Variants in MITF observed in about 807,000 individuals in gnomAD.
MITF encodes the protein microphthalmia-associated transcription factor.
MITF carries 17 observed loss-of-function variants against 60.5 expected under a neutral mutation model. That is an observed-to-expected ratio of 0.28 (90% CI 0.19 to 0.42). The LOEUF is 0.42. Ranked by LOEUF, MITF falls within the 10% of genes least tolerant of loss-of-function variation. MITF has a pLI of 1.00. For synonymous variants in MITF, 260 were observed against 248.5 expected (o/e 1.05, Z -0.43); for missense variants, 622 against 683.5 (o/e 0.91, Z 1.00).
chr3:69,816,082 T>C (rs923145192), intron 1 of MITF, among the ~76,000 whole-genome samples: 15 of 152,186 alleles, frequency 9.9e-5, no homozygotes, highest in African/African-American at 3.4e-4. Flanking sequence ...GTTCAGTTTA[T>C]AACTTTATTA....
At chr3:69,883,471 G>T (rs2064534970) in intron 2 of MITF, among the ~76,000 whole-genome samples, 1 of 152,062 alleles carries the variant, frequency 6.6e-6, no homozygotes, top group Admixed American at 6.5e-5. Flanking sequence ...CTGAACTACT[G>T]GTCTTTCTCT....
intron 4 of MITF, among the ~76,000 whole-genome samples, chr3:69,940,748 G>C (rs1411510609): frequency 2.0e-5 from 3 of 152,204 alleles, no homozygotes; most frequent in Admixed American, 1.3e-4. Flanking sequence ...AAAGGAAGTA[G>C]AATGACAGCT....
intron 2 of MITF, among the ~76,000 whole-genome samples, chr3:69,931,669 A>G (rs2065725825): frequency 6.6e-6 from 1 of 152,222 alleles, no homozygotes; most frequent in Non-Finnish European, 1.5e-5. Context: ...AGGAAGTAGT[A>G]TGAAAGTATA....
intron 5 of MITF, 27 bp from the exon 6 acceptor site, chr3:69,949,024 T>G: frequency 1.3e-6 from 2 of 1,495,012 alleles, no homozygotes; most frequent in Non-Finnish European, 1.9e-6. Context: ...CAACAGTTAA[T>G]TTCTGTTACT....
chr3:69,854,497 T>G (rs1311667894), intron 1 of MITF, among the ~76,000 whole-genome samples: 1 of 152,228 alleles, frequency 6.6e-6, no homozygotes, highest in South Asian at 2.1e-4. Flanking sequence ...TATACTATAT[T>G]GAGTTTTTAT....
intron 1 of MITF, among the ~76,000 whole-genome samples, chr3:69,778,174 T>C (rs765235431): frequency 7.2e-5 from 11 of 152,210 alleles, no homozygotes; most frequent in Non-Finnish European, 1.2e-4. Context: ...TTTAGATTTC[T>C]CACATGGGCA....
chr3:69,851,720 T>C (rs2063827138), intron 1 of MITF, among the ~76,000 whole-genome samples: 1 of 152,142 alleles, frequency 6.6e-6, no homozygotes, highest in Non-Finnish European at 1.5e-5. Flanking sequence ...CTGTTCTGTA[T>C]CTTGATTGTG....
rs766340943 is a variant in MITF, at chr3:69,966,750, A to T, written c.*1502A>T. 4.5e-4 allele frequency: 106 copies of T among 233,042 alleles called. No homozygotes were observed. Among genetic ancestry groups the T allele is most frequent in the South Asian group, 1.4e-3 (8 of 5,528 alleles). The allele number at this position is 233,042 out of a possible 1,614,324, so 14.4% of individuals were successfully genotyped here. A position where few individuals can be genotyped will look rare whatever the true frequency, so the allele number is the denominator to read the frequency against. On this transcript the variant is annotated 3_prime_UTR_variant, in exon 10 of 10. Transcript: ENST00000352241. The stretch of plus-strand genomic sequence containing the variant: ...TATACAGATGCCATATAGTGTTATG[A>T]GCCAGGCTGTTGAATGGAATTTCTC...
At chr3:69,836,341 G>C (rs1206948863) in intron 1 of MITF, among the ~76,000 whole-genome samples, 1 of 152,058 alleles carries the variant, frequency 6.6e-6, no homozygotes, top group East Asian at 1.9e-4. Flanking sequence ...CAACATTATT[G>C]AGCAAATAAT....
chr3:69,869,208 T>C (rs1014659707), intron 1 of MITF, among the ~76,000 whole-genome samples: 1 of 152,196 alleles, frequency 6.6e-6, no homozygotes, highest in African/African-American at 2.4e-5. Flanking sequence ...TGTTCTACTA[T>C]GTGCTGGAGA....
chr3:69,867,956 T>C (rs539705386), intron 1 of MITF, among the ~76,000 whole-genome samples: 3 of 152,346 alleles, frequency 2.0e-5, no homozygotes, highest in African/African-American at 7.2e-5. Context: ...TTTCTGTGCG[T>C]ATTCTTTTAG....
chr3:69,809,572 A>G (rs2063067754), intron 1 of MITF, among the ~76,000 whole-genome samples: 1 of 152,228 alleles, frequency 6.6e-6, no homozygotes, highest in African/African-American at 2.4e-5. Context: ...ATGAATTAAA[A>G]ACAAAAACCT....
chr3:69,782,033 T>C (rs2062573700), intron 1 of MITF, among the ~76,000 whole-genome samples: 2 of 152,188 alleles, frequency 1.3e-5, no homozygotes, highest in South Asian at 4.1e-4. Context: ...AGAAGGTAGT[T>C]GATAGACTCC....
At chr3:69,741,034 G>A (rs1703510390) in intron 1 of MITF, among the ~76,000 whole-genome samples, 4 of 152,166 alleles carry the variant, frequency 2.6e-5, no homozygotes, top group Admixed American at 2.6e-4. Context: ...TGGGAACAGC[G>A]GTCCTACTGA....
intron 1 of MITF, among the ~76,000 whole-genome samples, chr3:69,761,581 G>A (rs1559614358): frequency 6.6e-6 from 1 of 152,166 alleles, no homozygotes; most frequent in Non-Finnish European, 1.5e-5. Flanking sequence ...AGGAGACTAG[G>A]TTTCTTATGA....
At chr3:69,815,466 G>A (rs2063166799) in intron 1 of MITF, among the ~76,000 whole-genome samples, 1 of 152,076 alleles carries the variant, frequency 6.6e-6, no homozygotes, top group Non-Finnish European at 1.5e-5. Flanking sequence ...CCTTTTTGAT[G>A]ATCCACTTTC....
intron 1 of MITF, among the ~76,000 whole-genome samples, chr3:69,824,649 G>A (rs1239853341): frequency 6.6e-6 from 1 of 152,170 alleles, no homozygotes; most frequent in East Asian, 1.9e-4. Context: ...CATCTCCAGG[G>A]CTTGTTTCCC....
Position 69,965,461 on chromosome 3 carries a change from G to C in MITF, c.*213G>C, listed in dbSNP as rs1280610860. 7.6e-6 allele frequency: 4 copies of C among 523,708 alleles called. No individual in the cohort carries two copies. Among genetic ancestry groups the C allele is most frequent in the African/African-American group, 1.9e-5 (1 of 52,752 alleles). The allele number at this position is 523,708 out of a possible 1,614,324, so 32.4% of individuals were successfully genotyped here. On this transcript the variant is annotated 3_prime_UTR_variant, in exon 10 of 10. Coordinates refer to ENST00000352241, the MANE Select transcript of MITF (RefSeq NM_001354604.2). ...CAACTACAAATGCCTCCAAAGTATT[G>C]TACAAATAAGTGTGCAGTATCTGTG...
chr3:69,785,014 TTG>T (rs900188690), intron 1 of MITF, among the ~76,000 whole-genome samples: 34 of 151,704 alleles, frequency 2.2e-4, no homozygotes, highest in Non-Finnish European at 4.4e-5. Context: ...CTTGTTATCT[TTG>T]TCAAAGTGCT....
Sources: allele counts gnomAD v4.1 joint callset (sites outside exome capture counted in the v4.1 genomes callset), GRCh38; gene constraint gnomAD v4.1.1; transcripts MANE v1.5; gene names NCBI Gene and HGNC (gene_info 2026-07-23, HGNC 2026-07-21).